Variants in GRIA1 observed in about 807,000 individuals in gnomAD.
GRIA1 encodes the protein glutamate ionotropic receptor AMPA type subunit 1.
GRIA1 carries 31 observed loss-of-function variants against 99.2 expected under a neutral mutation model. The ratio of observed to expected loss-of-function variants is 0.31; its 90% CI spans 0.23 to 0.42. GRIA1 has a LOEUF of 0.42. Ranked by LOEUF, GRIA1 falls within the 10% of genes least tolerant of loss-of-function variation. The pLI, the probability that GRIA1 is intolerant of heterozygous loss-of-function variation, is 1.00. For missense variants in GRIA1, 782 were observed against 1,157.5 expected, an observed-to-expected ratio of 0.68 and a Z score of 4.71; for synonymous variants, 438 against 432.4, an observed-to-expected ratio of 1.01 and a Z score of -0.16.
intron 11 of GRIA1, among the ~76,000 whole-genome samples, chr5:153,710,797 G>C (rs1222249475): frequency 1.3e-5 from 2 of 152,156 alleles, no homozygotes; most frequent in Admixed American, 1.3e-4. Flanking sequence ...GCAGTATAGA[G>C]ATATGAGAGA....
chr5:153,536,901 C>T lies in GRIA1; in HGVS notation c.220+42836C>T, dbSNP rs574480848. 2.0e-5 allele frequency among the ~76,000 whole-genome samples: 3 copies of T among 152,258 alleles called. No individual in the cohort carries two copies. The South Asian group carries it at 6.2e-4, about 32-fold the overall frequency. On this transcript the variant is annotated intron_variant, in intron 2 of 15. Transcript: ENST00000285900. ...CATCTTTGTGGTTAAAGTTTGAAGT[C>T]CCTGAGATAAGACTATCTGGGTTTT... is the stretch of plus-strand genomic sequence containing the variant.
rs150770763 is a variant in GRIA1 at position 153,683,025 on chromosome 5, C to T, written c.1030-3200C>T. ...GAGGGAGTTGAGGGCGCCAGGATGG[C>T]GACAGAAGTTCCGGGAGCAGGAACC... On this transcript the variant is annotated intron_variant, in intron 7 of 15. Coordinates refer to ENST00000285900, the MANE Select transcript of GRIA1 (RefSeq NM_000827.4). Among the ~76,000 whole-genome samples the T allele has an allele frequency of 1.9e-4, 29 of 152,244 alleles. 1 individual carries two copies. In the East Asian group the frequency reaches 5.0e-3, roughly 26 times the overall value.
intron 13 of GRIA1, among the ~76,000 whole-genome samples, chr5:153,775,664 T>C (rs1229121207): frequency 6.6e-6 from 1 of 151,980 alleles, no homozygotes. Context: ...ATCCCAGTGC[T>C]TAAATAATGC....
intron 13 of GRIA1, among the ~76,000 whole-genome samples, chr5:153,779,219 G>A (rs550978230): frequency 6.6e-6 from 1 of 152,014 alleles, no homozygotes; most frequent in Middle Eastern, 3.2e-3. Context: ...CCCTTTCATA[G>A]TTTAAAAAAC....
At chr5:153,604,182 A>C (rs1328348299) in intron 2 of GRIA1, among the ~76,000 whole-genome samples, 1 of 152,100 alleles carries the variant, frequency 6.6e-6, no homozygotes, top group Non-Finnish European at 1.5e-5. Context: ...AGATGGGAGA[A>C]AGAGAATTTC....
At chr5:153,784,570 G>A (rs1764849226) in intron 13 of GRIA1, among the ~76,000 whole-genome samples, 1 of 151,782 alleles carries the variant, frequency 6.6e-6, no homozygotes, top group Non-Finnish European at 1.5e-5. Context: ...GGTCAGGTGT[G>A]AAGGGAAATT....
chr5:153,619,445 G>A (rs1411856676), intron 2 of GRIA1, among the ~76,000 whole-genome samples: 1 of 152,120 alleles, frequency 6.6e-6, no homozygotes, highest in Non-Finnish European at 1.5e-5. Flanking sequence ...TTCTGTAAGG[G>A]AACTTCAAGA....
intron 2 of GRIA1, among the ~76,000 whole-genome samples, chr5:153,586,909 G>A (rs7709924): frequency 0.49 from 75,269 of 152,080 alleles, 22,446 homozygotes; most frequent in East Asian, 0.8. Context: ...CTTGAGGCAC[G>A]TTTCCAGACA....
chr5:153,536,482 G>C (rs1581192891), intron 2 of GRIA1, among the ~76,000 whole-genome samples: 1 of 152,076 alleles, frequency 6.6e-6, no homozygotes, highest in Non-Finnish European at 1.5e-5. Flanking sequence ...GTGCTCATCT[G>C]TCCATCTCCT....
At chr5:153,579,345 T>G (rs1324170639) in intron 2 of GRIA1, among the ~76,000 whole-genome samples, 1 of 152,216 alleles carries the variant, frequency 6.6e-6, no homozygotes, top group African/African-American at 2.4e-5. Flanking sequence ...TCTCTATTTT[T>G]GGGCTAGGAA....
In GRIA1 at chr5:153,796,357, C is replaced by T. The variant is rs117388466; in HGVS notation, c.2385+1622C>T. 2.0e-4 allele frequency among the ~76,000 whole-genome samples: 31 copies of T among 152,176 alleles called. No individual in the cohort carries two copies. In the East Asian group the frequency reaches 5.6e-3, roughly 28 times the overall value. ...CTACTATCTTCATTACTACTTTAAT[C>T]GAGTTCATATAAAAAGTAGCAGCAC... On this transcript the variant is annotated intron_variant, in intron 14 of 15. Coordinates refer to ENST00000285900, the MANE Select transcript of GRIA1 (RefSeq NM_000827.4).
intron 15 of GRIA1, among the ~76,000 whole-genome samples, chr5:153,804,732 A>T (rs60812468): frequency 0.23 from 17,623 of 75,900 alleles, 1,385 homozygotes; most frequent in Middle Eastern, 0.3. Flanking sequence ...TTAATTAATT[A>T]ATTTATTTAT....
intron 8 of GRIA1, among the ~76,000 whole-genome samples, chr5:153,690,446 G>A (rs189926313): frequency 6.6e-6 from 1 of 152,130 alleles, no homozygotes; most frequent in East Asian, 1.9e-4. Flanking sequence ...TCTCTAAAAG[G>A]GTGGTAATAC....
At chr5:153,560,043 G>A (rs1760987870) in intron 2 of GRIA1, among the ~76,000 whole-genome samples, 1 of 152,106 alleles carries the variant, frequency 6.6e-6, no homozygotes, top group Admixed American at 6.6e-5. Flanking sequence ...AAGGCACAGA[G>A]ACTTACATGC....
chr5:153,796,489 C>A lies in GRIA1; in HGVS notation c.2385+1754C>A, dbSNP rs1322507744. On this transcript the variant is annotated intron_variant, in intron 14 of 15. Coordinates refer to ENST00000285900, the MANE Select transcript of GRIA1 (RefSeq NM_000827.4). ...TATTAAATTACAGTCACCTTTACAA[C>A]TGAGGGCTGCTGCTTCTTAAAAAGC... 2.0e-5 allele frequency among the ~76,000 whole-genome samples: 3 copies of A among 152,176 alleles called. No individual in the cohort carries two copies. The East Asian group carries it at 5.8e-4, about 29-fold the overall frequency.
rs780309677 is a variant in GRIA1, at chr5:153,795,639, A to T, written c.2385+904A>T. The T allele has an allele frequency of 1.2e-4, 127 of 1,030,114 alleles. 2 individuals carry two copies. Among genetic ancestry groups the T allele is most frequent in the Non-Finnish European group, 3.0e-6 (2 of 661,548 alleles). 63.8% of individuals were successfully genotyped at this position (1,030,114 alleles called of 1,614,324 possible). ...ACGCACACCTGTAACAAAAATGCAC[A>T]GTGTTGAACAGTGTCCTCCGAGCCT... is the stretch of plus-strand genomic sequence containing the variant. On this transcript the variant is annotated intron_variant, in intron 14 of 15. Transcript: ENST00000285900.
intron 2 of GRIA1, among the ~76,000 whole-genome samples, chr5:153,541,915 C>T (rs1210002925): frequency 1.8e-5 from 2 of 109,330 alleles, no homozygotes; most frequent in Non-Finnish European, 3.5e-5. Flanking sequence ...GGTGACAGAA[C>T]GAGATCCTGT....
chr5:153,564,286 G>A (rs1309008374), intron 2 of GRIA1, among the ~76,000 whole-genome samples: 1 of 152,126 alleles, frequency 6.6e-6, no homozygotes, highest in Non-Finnish European at 1.5e-5. Context: ...CCTTCCCAGA[G>A]GGAAGACTTC....
At chr5:153,717,236 T>C (rs149211880) in intron 11 of GRIA1, among the ~76,000 whole-genome samples, 1 of 152,238 alleles carries the variant, frequency 6.6e-6, no homozygotes, top group Non-Finnish European at 1.5e-5. Flanking sequence ...GTGCTAGAGT[T>C]CTTCTACGAA....
Sources: gnomAD v4.1 joint callset for allele counts (sites outside exome capture counted in the v4.1 genomes callset) on GRCh38, gnomAD v4.1.1 for gene constraint, MANE v1.5 for transcripts, NCBI Gene and HGNC (gene_info 2026-07-23, HGNC 2026-07-21) for gene names.